The following RIGI variants were observed in gnomAD, a reference collection of about 807,000 sequenced individuals.
RIGI encodes the protein antiviral innate immune response receptor RIG-I.
At chr9:32,456,761 TTACAG>T in the RIGI span, 1 of 172,036 alleles carries the variant, frequency 5.8e-6, no homozygotes, top group Admixed American at 5.7e-5. Flanking sequence ...AAAAGCCAGT[TTACAG>T]TAGGTTAAGG....
At chr9:32,461,909 G>A in the RIGI span, among the ~76,000 whole-genome samples, 2 of 152,146 alleles carry the variant, frequency 1.3e-5, no homozygotes, top group South Asian at 2.1e-4. Context: ...TTTGTGACAC[G>A]TGAATAAGCA....
chr9:32,457,322 CT>C, the RIGI span: 1 of 1,614,124 alleles, frequency 6.2e-7, no homozygotes, highest in East Asian at 2.2e-5. Flanking sequence ...AATATCTTTG[CT>C]CTTTTTTCAA....
the RIGI span, among the ~76,000 whole-genome samples, chr9:32,483,417 T>C: frequency 2.0e-5 from 3 of 152,100 alleles, no homozygotes; most frequent in Non-Finnish European, 2.9e-5. Context: ...GATGAGCAGC[T>C]AACTGGATTC....
At chr9:32,474,887 A>C in the RIGI span, among the ~76,000 whole-genome samples, 1 of 152,200 alleles carries the variant, frequency 6.6e-6, no homozygotes, top group Non-Finnish European at 1.5e-5. Flanking sequence ...TACTATGGTC[A>C]TGGATTAGAA....
the RIGI span, among the ~76,000 whole-genome samples, chr9:32,516,951 T>G: frequency 0.61 from 92,210 of 152,082 alleles, 28,219 homozygotes; most frequent in Middle Eastern, 0.68. Flanking sequence ...TTGTGTTTTG[T>G]TGATTGTATG....
the RIGI span, chr9:32,488,870 C>CA: frequency 2.7e-5 from 43 of 1,605,524 alleles, 1 homozygote; most frequent in Middle Eastern, 1.0e-3. Context: ...AGCAGTGAAA[C>CA]AAAGGTTTTT....
the RIGI span, among the ~76,000 whole-genome samples, chr9:32,493,029 A>G: frequency 0.2 from 30,291 of 152,134 alleles, 3,313 homozygotes; most frequent in Non-Finnish European, 0.26. Context: ...TTATGAAAAT[A>G]CCATATTATA....
the RIGI span, chr9:32,526,008 A>C: frequency 3.0e-3 from 4,093 of 1,381,922 alleles, 104 homozygotes; most frequent in African/African-American, 0.053. Flanking sequence ...AAGCAAGAGA[A>C]AAACAAGTCC....
chr9:32,520,805 A>C, the RIGI span, among the ~76,000 whole-genome samples: 2 of 151,396 alleles, frequency 1.3e-5, no homozygotes, highest in African/African-American at 4.9e-5. Flanking sequence ...TTATAAAAAG[A>C]TGGCTGGGTG....
chr9:32,489,689 T>C, the RIGI span, among the ~76,000 whole-genome samples: 1 of 152,086 alleles, frequency 6.6e-6, no homozygotes, highest in Non-Finnish European at 1.5e-5. Context: ...AATTATTTTT[T>C]ATACAATCAT....
At chr9:32,505,468 T>G in the RIGI span, among the ~76,000 whole-genome samples, 1 of 152,158 alleles carries the variant, frequency 6.6e-6, no homozygotes, top group African/African-American at 2.4e-5. Flanking sequence ...AAACCTATAG[T>G]CCCCAGGCAC....
the RIGI span, chr9:32,477,203 A>G: frequency 4.5e-6 from 7 of 1,552,240 alleles, no homozygotes; most frequent in South Asian, 2.4e-5. Context: ...ACCTTTAGCT[A>G]TCGTTCAAAC....
chr9:32,461,433 C>T, the RIGI span, among the ~76,000 whole-genome samples: 1 of 152,154 alleles, frequency 6.6e-6, no homozygotes. Flanking sequence ...TTTATGGTGG[C>T]GCCTCTCCAT....
chr9:32,481,964 G>C, the RIGI span, among the ~76,000 whole-genome samples: 1 of 152,146 alleles, frequency 6.6e-6, no homozygotes, highest in Non-Finnish European at 1.5e-5. Flanking sequence ...CTATTTAACT[G>C]GATTCAGACT....
chr9:32,490,387 A>G, the RIGI span, among the ~76,000 whole-genome samples: 1 of 152,136 alleles, frequency 6.6e-6, no homozygotes, highest in Non-Finnish European at 1.5e-5. Context: ...CAATAACAAC[A>G]ACAACAACAA....
the RIGI span, among the ~76,000 whole-genome samples, chr9:32,508,239 A>ATTTTTTTTTTTTTTGTTTTTTTTTTT: frequency 1.4e-5 from 1 of 70,336 alleles, no homozygotes; most frequent in Non-Finnish European, 2.6e-5. Context: ...TATTTACTTA[A>ATTTTTTTTTTTTTTGTTTTTTTTTTT]TTTTTTTTTT....
At chr9:32,461,620 C>T in the RIGI span, among the ~76,000 whole-genome samples, 1 of 152,140 alleles carries the variant, frequency 6.6e-6, no homozygotes, top group Admixed American at 6.5e-5. Flanking sequence ...TATGACTGCT[C>T]AGGCCTGCCC....
chr9:32,463,486 T>A, the RIGI span, among the ~76,000 whole-genome samples: 1 of 152,248 alleles, frequency 6.6e-6, no homozygotes, highest in African/African-American at 2.4e-5. Context: ...TCCAACTTTT[T>A]AAAAAAATTC....
At chr9:32,505,246 T>G in the RIGI span, among the ~76,000 whole-genome samples, 1 of 151,756 alleles carries the variant, frequency 6.6e-6, no homozygotes, top group East Asian at 1.9e-4. Flanking sequence ...GAGATGCACA[T>G]TATAAAGTAA....
Sources: allele counts gnomAD v4.1 joint callset (sites outside exome capture counted in the v4.1 genomes callset), GRCh38; gene constraint gnomAD v4.1.1; transcripts MANE v1.5; gene names NCBI Gene and HGNC (gene_info 2026-07-23, HGNC 2026-07-21).